The following CTNNA2 variants were observed in gnomAD, a reference collection of about 807,000 sequenced individuals.
CTNNA2 encodes the protein catenin alpha-2.
A neutral mutation model predicts 101.0 loss-of-function variants in CTNNA2; 42 were observed. The observed-to-expected ratio is 0.42, with a 90% CI of 0.32 to 0.54. The LOEUF (loss-of-function observed/expected upper bound fraction) is 0.54. Ranked by LOEUF, CTNNA2 falls within the 20% of genes least tolerant of loss-of-function variation. CTNNA2 has a pLI of 0.14. For missense variants in CTNNA2, 871 were observed against 1,223.1 expected (o/e 0.71, Z 4.29); for synonymous variants, 450 against 456.4 (o/e 0.99, Z 0.18).
At chr2:80,265,412 G>A (rs1672933729) in intron 7 of CTNNA2, among the ~76,000 whole-genome samples, 1 of 152,174 alleles carries the variant, frequency 6.6e-6, no homozygotes, top group Non-Finnish European at 1.5e-5. Context: ...TAAAACTAAG[G>A]AATTTCAAAT....
intron 3 of CTNNA2, among the ~76,000 whole-genome samples, chr2:79,797,660 T>TAA (rs10630216): frequency 0.013 from 1,536 of 121,798 alleles, 40 homozygotes; most frequent in African/African-American, 0.039. Context: ...GACTCTGTCT[T>TAA]AAAAAAAAAA....
chr2:79,657,054 T>TAA (rs35199168), intron 2 of CTNNA2, among the ~76,000 whole-genome samples: 3 of 150,888 alleles, frequency 2.0e-5, no homozygotes, highest in East Asian at 1.9e-4. Flanking sequence ...CTTAAGGAAT[T>TAA]AAAAAAAATC....
intron 9 of CTNNA2, among the ~76,000 whole-genome samples, chr2:80,434,986 G>A (rs551225280): frequency 5.5e-4 from 83 of 152,056 alleles, no homozygotes; most frequent in Non-Finnish European, 8.1e-4. Context: ...TGTGTATCAG[G>A]GTTTCTCAAC....
intron 4 of CTNNA2, among the ~76,000 whole-genome samples, chr2:79,401,490 G>T (rs1678289930): frequency 6.6e-6 from 1 of 151,442 alleles, no homozygotes; most frequent in Non-Finnish European, 1.5e-5. Context: ...TTATGTCAGA[G>T]CAAATATTTG....
intron 9 of CTNNA2, among the ~76,000 whole-genome samples, chr2:80,461,134 T>C (rs1684387499): frequency 6.6e-6 from 1 of 152,224 alleles, no homozygotes; most frequent in African/African-American, 2.4e-5. Context: ...AATCTTTTCC[T>C]ACTCCCATTT....
intron 4 of CTNNA2, among the ~76,000 whole-genome samples, chr2:79,458,017 G>C (rs913614288): frequency 1.3e-5 from 2 of 152,166 alleles, no homozygotes; most frequent in Non-Finnish European, 2.9e-5. Context: ...TGCAGGATCT[G>C]TGCTGGAAAT....
intron 9 of CTNNA2, among the ~76,000 whole-genome samples, chr2:80,431,852 T>C (rs1423109219): frequency 6.6e-6 from 1 of 152,184 alleles, no homozygotes; most frequent in African/African-American, 2.4e-5. Context: ...CATTCTGTTA[T>C]TAACTGAGAC....
chr2:79,536,574 AGT>A lies in CTNNA2; in HGVS notation c.-6+23394_-6+23395del, dbSNP rs61029469. On this transcript the variant is annotated intron_variant, in intron 1 of 18. Coordinates refer to ENST00000402739, the MANE Select transcript of CTNNA2 (RefSeq NM_001282597.3). Reference sequence around the variant, plus strand: ...ATATACACCTAAATATCTCTAAAGAAGTGTGTGTGTGTGTGTGTGTGTGTGTG... The same window carrying A: ...ATATACACCTAAATATCTCTAAAGAAGTGTGTGTGTGTGTGTGTGTGTGTG... Among the ~76,000 whole-genome samples, 123 of 146,720 alleles carry A rather than the reference AGT, an allele frequency of 8.4e-4. No homozygotes were observed. The South Asian group carries it at 0.011, about 13-fold the overall frequency.
intron 7 of CTNNA2, 152 bp downstream of exon 7, chr2:79,909,949 C>CGT (rs1685673767): frequency 2.8e-6 from 2 of 717,416 alleles, no homozygotes; most frequent in Non-Finnish European, 4.3e-6. Flanking sequence ...TGGGAGAGCG[C>CGT]GTGTCGTGTG....
At position 79,336,496 on chromosome 2, in the gene CTNNA2, C is replaced by T. The variant is rs116751578; in HGVS notation, c.-318+23700C>T. On this transcript the variant is annotated intron_variant, in intron 3 of 21. Coordinates refer to the CTNNA2 transcript ENST00000466387. ...CCTGGCTCTTTGCCCTCAGCTGTTA[C>T]ACAGCACTCAGATGGAGAGGTTCTG... Among the ~76,000 whole-genome samples, 802 of 152,302 alleles carry T rather than the reference C, an allele frequency of 5.3e-3. 7 individuals are homozygous for T. Among genetic ancestry groups the T allele is most frequent in the African/African-American group, 0.019 (778 of 41,568 alleles).
chr2:79,847,647 T>C (rs749379158), intron 3 of CTNNA2, among the ~76,000 whole-genome samples: 1 of 147,898 alleles, frequency 6.8e-6, no homozygotes, highest in Admixed American at 6.8e-5. Context: ...GGATTTTGCA[T>C]CTGTTAAAAT....
intron 9 of CTNNA2, among the ~76,000 whole-genome samples, chr2:80,448,211 T>C (rs1328833421): frequency 6.6e-6 from 1 of 152,202 alleles, no homozygotes; most frequent in African/African-American, 2.4e-5. Flanking sequence ...TCCCAGATTG[T>C]CTTCACTTAC....
chr2:80,427,318 A>G (rs1334340248), intron 9 of CTNNA2, among the ~76,000 whole-genome samples: 1 of 152,144 alleles, frequency 6.6e-6, no homozygotes, highest in Non-Finnish European at 1.5e-5. Context: ...GTGAAGAACT[A>G]ATGTGAAGAA....
At chr2:80,637,916 G>A (rs1190153314) in intron 18 of CTNNA2, among the ~76,000 whole-genome samples, 1 of 152,166 alleles carries the variant, frequency 6.6e-6, no homozygotes, top group African/African-American at 2.4e-5. Context: ...CATTTTGCAA[G>A]TTATTAAATG....
intron 1 of CTNNA2, among the ~76,000 whole-genome samples, chr2:79,598,855 A>G (rs900490404): frequency 2.0e-5 from 3 of 152,132 alleles, no homozygotes; most frequent in African/African-American, 7.2e-5. Context: ...CATGCCTTTG[A>G]TGTATCTAAA....
rs148203478 is a variant in CTNNA2, at chr2:79,836,779, C to G, written c.299-21234C>G. 5.3e-5 allele frequency among the ~76,000 whole-genome samples: 8 copies of G among 151,892 alleles called. No homozygotes were observed. In the South Asian group the frequency reaches 1.7e-3, roughly 32 times the overall value. On this transcript the variant is annotated intron_variant, in intron 3 of 18. Coordinates refer to ENST00000402739, the MANE Select transcript of CTNNA2 (RefSeq NM_001282597.3). ...GTCTCTTCTTTTTTTCTTTTTCTTT[C>G]TTTATGTACTGTTAGAATCTCACTC... is the stretch of plus-strand genomic sequence containing the variant.
intron 7 of CTNNA2, among the ~76,000 whole-genome samples, chr2:80,355,490 A>G (rs1340763171): frequency 6.6e-6 from 1 of 152,178 alleles, no homozygotes; most frequent in Non-Finnish European, 1.5e-5. Context: ...CCCTTGGGCC[A>G]CTGTACAAGC....
chr2:79,708,849 A>G (rs1280834254), intron 2 of CTNNA2, among the ~76,000 whole-genome samples: 1 of 152,142 alleles, frequency 6.6e-6, no homozygotes, highest in Admixed American at 6.5e-5. Flanking sequence ...CTCCTTTTCT[A>G]TGAGAGGTGG....
At chr2:79,523,304 G>A (rs1476514214) in intron 1 of CTNNA2, 1 of 444,096 alleles carries the variant, frequency 2.3e-6, no homozygotes, top group South Asian at 1.6e-5. Flanking sequence ...AGAAATAGAG[G>A]TGAAGGTTTG....
Sources: allele counts gnomAD v4.1 joint callset (sites outside exome capture counted in the v4.1 genomes callset), GRCh38; gene constraint gnomAD v4.1.1; transcripts MANE v1.5; gene names NCBI Gene and HGNC (gene_info 2026-07-23, HGNC 2026-07-21).